Variants in CDK5RAP2 observed in about 807,000 individuals in gnomAD.
The protein encoded by CDK5RAP2 is CDK5 regulatory subunit-associated protein 2.
A neutral mutation model predicts 232.9 loss-of-function variants in CDK5RAP2; 147 were observed. The ratio of observed to expected loss-of-function variants is 0.63; its 90% confidence interval spans 0.55 to 0.72. The LOEUF (loss-of-function observed/expected upper bound fraction) is 0.72, where lower values mean the gene tolerates loss of function less well. Ranked by LOEUF, CDK5RAP2 falls within the 30% of genes least tolerant of loss-of-function variation. CDK5RAP2 has a pLI of 0.00. For missense variants in CDK5RAP2, 2,195 were observed against 2,231.5 expected, an observed-to-expected ratio of 0.98 and a Z score of 0.33; for synonymous variants, 833 against 833.7, an observed-to-expected ratio of 1.00 and a Z score of 0.01.
chr9:120,576,707 CA>C (rs556774765), intron 1 of CDK5RAP2, among the ~76,000 whole-genome samples: 126 of 134,596 alleles, frequency 9.4e-4, no homozygotes, highest in Admixed American at 7.4e-4. Flanking sequence ...GTCTCAACGA[CA>C]AAAAAAAAAA....
intron 11 of CDK5RAP2, among the ~76,000 whole-genome samples, chr9:120,520,126 CCTT>C (rs1222809524): frequency 1.3e-5 from 2 of 152,084 alleles, no homozygotes; most frequent in Non-Finnish European, 2.9e-5. Flanking sequence ...ATTATTTTTT[CCTT>C]CTTTTTTTCT....
intron 18 of CDK5RAP2, among the ~76,000 whole-genome samples, chr9:120,465,390 A>T (rs959484149): frequency 1.3e-5 from 2 of 152,202 alleles, no homozygotes; most frequent in Non-Finnish European, 2.9e-5. Context: ...AGATTTTTTT[A>T]AATGTACACA....
chr9:120,492,349 G>A (rs910683665), intron 12 of CDK5RAP2, among the ~76,000 whole-genome samples: 1 of 152,114 alleles, frequency 6.6e-6, no homozygotes, highest in African/African-American at 2.4e-5. Flanking sequence ...TGTGGCAGCA[G>A]CAGAGACCCA....
intron 12 of CDK5RAP2, among the ~76,000 whole-genome samples, chr9:120,502,540 C>A (rs141799930): frequency 6.6e-6 from 1 of 152,330 alleles, no homozygotes; most frequent in Non-Finnish European, 1.5e-5. Flanking sequence ...ACGTCTTACA[C>A]GGCTTAAGCA....
chr9:120,506,469 T>C (rs1247834369), intron 12 of CDK5RAP2, among the ~76,000 whole-genome samples: 6 of 152,234 alleles, frequency 3.9e-5, no homozygotes, highest in Admixed American at 2.6e-4. Context: ...ATTTTAACTT[T>C]TCAAGTCTTT....
At chr9:120,510,339 C>A (rs544879485) in intron 12 of CDK5RAP2, among the ~76,000 whole-genome samples, 1 of 152,288 alleles carries the variant, frequency 6.6e-6, no homozygotes, top group African/African-American at 2.4e-5. Flanking sequence ...ACACACTTGT[C>A]AGGGTAGCGG....
intron 27 of CDK5RAP2, among the ~76,000 whole-genome samples, chr9:120,419,556 A>G (rs1278844959): frequency 6.6e-6 from 1 of 152,204 alleles, no homozygotes; most frequent in Non-Finnish European, 1.5e-5. Flanking sequence ...GTCACATATT[A>G]AGTCGTCATT....
intron 22 of CDK5RAP2, 30 bp from the exon 23 acceptor site, chr9:120,443,772 T>A: frequency 6.2e-7 from 1 of 1,613,192 alleles, no homozygotes; most frequent in Non-Finnish European, 8.5e-7. Context: ...GAAAGAAAAA[T>A]AAATAAAACC....
chr9:120,513,163 G>C (rs889443576), intron 12 of CDK5RAP2, among the ~76,000 whole-genome samples: 2 of 152,118 alleles, frequency 1.3e-5, no homozygotes, highest in Admixed American at 6.5e-5. Flanking sequence ...CCATTACAGA[G>C]AAACAGGTTC....
intron 3 of CDK5RAP2, among the ~76,000 whole-genome samples, chr9:120,554,523 G>C (rs1467105312): frequency 6.6e-6 from 1 of 152,136 alleles, no homozygotes; most frequent in Non-Finnish European, 1.5e-5. Flanking sequence ...ACTTCTTTGA[G>C]CCTCAGTTTC....
At chr9:120,440,085 C>A in intron 23 of CDK5RAP2, 113 bp from the exon 24 acceptor site, 1 of 852,658 alleles carries the variant, frequency 1.2e-6, no homozygotes, top group East Asian at 2.6e-5. Flanking sequence ...ACAAGCCTCC[C>A]TCAAAAAGGC....
chr9:120,532,003 G>C (rs1424433687), intron 7 of CDK5RAP2, among the ~76,000 whole-genome samples: 2 of 150,844 alleles, frequency 1.3e-5, no homozygotes, highest in African/African-American at 2.5e-5. Context: ...CAATAAAACT[G>C]AATTTTTTTT....
At chr9:120,445,872 TA>T (rs1476809784) in intron 22 of CDK5RAP2, among the ~76,000 whole-genome samples, 3 of 152,218 alleles carry the variant, frequency 2.0e-5, no homozygotes, top group Non-Finnish European at 4.4e-5. Flanking sequence ...TTTAATTGCC[TA>T]TCTAATTATC....
chr9:120,570,270 CCCT>C (rs1421073110), intron 2 of CDK5RAP2, among the ~76,000 whole-genome samples: 3 of 152,128 alleles, frequency 2.0e-5, no homozygotes, highest in Non-Finnish European at 4.4e-5. Context: ...GATGCTCATC[CCCT>C]CCTTTTTCCT....
intron 19 of CDK5RAP2, among the ~76,000 whole-genome samples, chr9:120,459,084 T>C (rs1715357556): frequency 6.6e-6 from 1 of 152,236 alleles, no homozygotes; most frequent in Admixed American, 6.5e-5. Flanking sequence ...GCTTATTATA[T>C]TCTTCTTGCA....
rs747564880 is a variant in CDK5RAP2, at chr9:120,408,266, C to T, written c.4726+81G>A. 1.6e-5 allele frequency: 25 copies of T among 1,552,060 alleles called. No homozygotes were observed. The South Asian group carries it at 2.5e-4, about 15-fold the overall frequency. ...CCAGAGTGGAGAGGGCTGAGCTCTG[C>T]CCTCCTGTGCCTACAGCCAGCTGTC... On this transcript the variant is annotated intron_variant, in intron 31 of 37. Transcript: ENST00000349780.
At chr9:120,414,763 A>C (rs2034106863) in intron 28 of CDK5RAP2, among the ~76,000 whole-genome samples, 1 of 152,220 alleles carries the variant, frequency 6.6e-6, no homozygotes, top group Non-Finnish European at 1.5e-5. Context: ...AATTTACCAG[A>C]TTGCTAAAAT....
At chr9:120,435,853 T>C (rs923012623) in intron 25 of CDK5RAP2, among the ~76,000 whole-genome samples, 1 of 152,124 alleles carries the variant, frequency 6.6e-6, no homozygotes, top group African/African-American at 2.4e-5. Context: ...AAGGAATTAA[T>C]AGAGAATGCA....
chr9:120,407,496 T>G, intron 31 of CDK5RAP2: 3 of 549,574 alleles, frequency 5.5e-6, no homozygotes, highest in Non-Finnish European at 9.8e-6. Flanking sequence ...CCTAGCAAAT[T>G]GCACACCAAA....
Sources: allele counts gnomAD v4.1 joint callset (sites outside exome capture counted in the v4.1 genomes callset), GRCh38; gene constraint gnomAD v4.1.1; transcripts MANE v1.5; gene names NCBI Gene and HGNC (gene_info 2026-07-23, HGNC 2026-07-21).